ZRANB1: variants seen among roughly 807,000 people sequenced by gnomAD.
ZRANB1 encodes the protein ubiquitin thioesterase ZRANB1.
Under a neutral mutation model 80.5 loss-of-function variants are expected in ZRANB1, and 16 were observed. That is an observed-to-expected ratio of 0.20 (90% CI 0.13 to 0.30). The LOEUF (loss-of-function observed/expected upper bound fraction) is 0.30. Among genes scored for constraint, ZRANB1 ranks in the 10% least tolerant of loss-of-function variants. ZRANB1 has a pLI of 1.00. For synonymous variants in ZRANB1, 291 were observed against 293.1 expected (o/e 0.99, Z 0.07); for missense variants, 576 against 862.6 (o/e 0.67, Z 4.16).
At chr10:124,922,304 T>C in the ZRANB1 span, among the ~76,000 whole-genome samples, 30 of 82,044 alleles carry the variant, frequency 3.7e-4, no homozygotes, top group East Asian at 1.4e-3. Context: ...ATGTAAAATA[T>C]ATATATATAT....
chr10:124,927,379 C>T, the ZRANB1 span, among the ~76,000 whole-genome samples: 2 of 152,174 alleles, frequency 1.3e-5, no homozygotes, highest in Non-Finnish European at 2.9e-5. Context: ...AAAGTTGAAA[C>T]AATACACTTG....
In ZRANB1 at chr10:124,988,007, G is replaced by A. The variant is rs1281088415; in HGVS notation, c.*3015G>A. The A allele has an allele frequency of 6.6e-6, 1 of 152,494 alleles. No individual in the cohort carries two copies. Among genetic ancestry groups the A allele is most frequent in the Admixed American group, 6.6e-5 (1 of 15,266 alleles). The allele number at this position is 152,494 out of a possible 1,614,324, so 9.4% of individuals were successfully genotyped here. A position where few individuals can be genotyped will look rare whatever the true frequency, so the allele number is the denominator to read the frequency against. On this transcript the variant is annotated 3_prime_UTR_variant, in exon 9 of 9. Transcript: ENST00000359653. ...AGGTTCACTTCCCTCCCTTGAACCA[G>A]GTCCAGGTCATTTTGCTTTGGGGTA... is the stretch of plus-strand genomic sequence containing the variant.
the ZRANB1 span, among the ~76,000 whole-genome samples, chr10:124,927,091 G>A: frequency 5.4e-4 from 83 of 152,320 alleles, no homozygotes; most frequent in Non-Finnish European, 1.0e-3. Flanking sequence ...GAGTAGCTGG[G>A]ACTACAGGCG....
intron 5 of ZRANB1, among the ~76,000 whole-genome samples, chr10:124,978,714 C>G (rs1249383107): frequency 6.6e-6 from 1 of 151,970 alleles, no homozygotes; most frequent in Non-Finnish European, 1.5e-5. Context: ...TAACCTTATA[C>G]CTTGTGGGCT....
At chr10:124,962,347 C>T (rs879639846) in intron 1 of ZRANB1, 6 of 984,780 alleles carry the variant, frequency 6.1e-6, no homozygotes, top group Non-Finnish European at 7.2e-6. Context: ...ATAAACCATG[C>T]TGTGATGTCA....
At chr10:124,927,248 C>T in the ZRANB1 span, among the ~76,000 whole-genome samples, 1 of 152,234 alleles carries the variant, frequency 6.6e-6, no homozygotes, top group Non-Finnish European at 1.5e-5. Flanking sequence ...AGCCACCGCG[C>T]CCGGCCCTGT....
In ZRANB1 at chr10:124,942,943, A is replaced by C. The variant is rs769282836; in HGVS notation, c.450A>C (p.Thr150=). Reference sequence around the variant, plus strand: ...ATAGAAATAAACTGAACACTAGGACACAGCACTGGACTTGCTCTGTTTGCA... The same window carrying C: ...ATAGAAATAAACTGAACACTAGGACCCAGCACTGGACTTGCTCTGTTTGCA... ...YNDRNKLNTR[T]QHWTCSVCTY... is the part of the protein sequence containing the mutation. The change falls in exon 1 of 9, where the codon ACA becomes ACC. Residue 150 remains threonine (T), a synonymous_variant. Coordinates refer to ENST00000359653, the MANE Select transcript of ZRANB1 (RefSeq NM_017580.3). 8 of 1,614,128 alleles carry C rather than the reference A, an allele frequency of 5.0e-6. No individual in the cohort carries two copies.
At chr10:124,931,062 T>C in the ZRANB1 span, among the ~76,000 whole-genome samples, 1 of 152,174 alleles carries the variant, frequency 6.6e-6, no homozygotes, top group African/African-American at 2.4e-5. Flanking sequence ...AAGGGCTTTT[T>C]ATGCCCTCTT....
At chr10:124,974,721 C>A (rs920849413) in intron 5 of ZRANB1, among the ~76,000 whole-genome samples, 1 of 152,214 alleles carries the variant, frequency 6.6e-6, no homozygotes, top group South Asian at 2.1e-4. Context: ...TCAAATGCAG[C>A]ATTTCAAGTT....
At chr10:124,940,529 C>T (rs574220600), upstream of ZRANB1, 19 of 1,289,086 alleles carry the variant, frequency 1.5e-5, no homozygotes, top group South Asian at 1.6e-4. Context: ...GAGGTTATAG[C>T]GTGGGAACTA....
At chr10:124,927,041 G>A in the ZRANB1 span, among the ~76,000 whole-genome samples, 1 of 152,112 alleles carries the variant, frequency 6.6e-6, no homozygotes, top group East Asian at 1.9e-4. Flanking sequence ...TGCAGGCTCC[G>A]CCCCCTGGGG....
rs199970133 is a variant in ZRANB1, at chr10:124,970,436, G to GT, written c.1003-1523dup. ...ACTAATGCCTAGCTAATATTTTGGG[G>GT]TTTTTTGTAGAGGCAGAGTTTCATT... On this transcript the variant is annotated intron_variant, in intron 2 of 8. Coordinates refer to ENST00000359653, the MANE Select transcript of ZRANB1 (RefSeq NM_017580.3). Among the ~76,000 whole-genome samples, 1,117 of 151,930 alleles carry GT rather than the reference G, an allele frequency of 7.4e-3. 11 individuals carry two copies. The highest frequency in any genetic ancestry group is 0.025 in the African/African-American group (1,027 of 41,414).
At chr10:124,946,003 G>A (rs11245440) in intron 1 of ZRANB1, 19,081 of 151,980 alleles carry the variant, frequency 0.13, 1,261 homozygotes, top group East Asian at 0.21. Context: ...TACCCAGGCT[G>A]GCATCTTATT....
intron 2 of ZRANB1, among the ~76,000 whole-genome samples, chr10:124,968,155 C>G (rs750074732): frequency 4.6e-5 from 7 of 152,094 alleles, no homozygotes; most frequent in African/African-American, 9.7e-5. Flanking sequence ...CCTCGGCCCC[C>G]CAAAGTGCTG....
chr10:124,929,434 C>T, the ZRANB1 span, among the ~76,000 whole-genome samples: 1 of 151,164 alleles, frequency 6.6e-6, no homozygotes, highest in East Asian at 2.0e-4. Context: ...CTACAGTATT[C>T]AAGCAATTCT....
chr10:124,919,942 T>C, the ZRANB1 span, among the ~76,000 whole-genome samples: 1 of 108,292 alleles, frequency 9.2e-6, no homozygotes. Flanking sequence ...TTTGAGACCT[T>C]GTCTCATCAC....
rs1189437839 is a variant in ZRANB1 at position 124,986,743 on chromosome 10, CTATG to C, written c.*1755_*1758del. On this transcript the variant is annotated 3_prime_UTR_variant, in exon 9 of 9. Coordinates refer to ENST00000359653, the MANE Select transcript of ZRANB1 (RefSeq NM_017580.3). ...CTACTTAGCATCTGTAGTAATTTCTCTATGTATAGGGATAATTTTTTAGTGGGCA... is the reference window on the plus strand; with the variant it reads ...CTACTTAGCATCTGTAGTAATTTCTCTATAGGGATAATTTTTTAGTGGGCA... 6.6e-6 allele frequency: 1 copy of C among 152,140 alleles called. No homozygotes were observed. The allele number at this position is 152,140 out of a possible 1,614,324, so 9.4% of individuals were successfully genotyped here.
At chr10:124,944,139 T>G (rs541275130) in intron 1 of ZRANB1, among the ~76,000 whole-genome samples, 1 of 152,314 alleles carries the variant, frequency 6.6e-6, no homozygotes, top group African/African-American at 2.4e-5. Context: ...ACCTTGTGAG[T>G]TAATTGTGAT....
rs1457691240 is a variant in ZRANB1 at position 124,963,546 on chromosome 10, T to TG, written c.815-3048_815-3047insG. Among the ~76,000 whole-genome samples the TG allele has an allele frequency of 5.3e-3, 695 of 130,812 alleles. 2 individuals are homozygous for TG. The highest frequency in any genetic ancestry group is 0.017 in the African/African-American group (590 of 35,490). 85.8% of individuals were successfully genotyped at this position (130,812 alleles called of 152,430 possible). Reference sequence around the variant, plus strand: ...ACTCAGATATTGTAAGGTTTTTTTTTTTTGTTTGTTTTTTTTTTTTTTTTT... The same window carrying TG: ...ACTCAGATATTGTAAGGTTTTTTTTTGTTTGTTTGTTTTTTTTTTTTTTTTT... On this transcript the variant is annotated intron_variant, in intron 1 of 8. Coordinates refer to ENST00000359653, the MANE Select transcript of ZRANB1 (RefSeq NM_017580.3).
Sources: allele counts gnomAD v4.1 joint callset (sites outside exome capture counted in the v4.1 genomes callset), GRCh38; gene constraint gnomAD v4.1.1; transcripts MANE v1.5; gene names NCBI Gene and HGNC (gene_info 2026-07-23, HGNC 2026-07-21).